Variants in MECR observed in about 807,000 individuals in gnomAD.
MECR encodes mitochondrial trans-2-enoyl-CoA reductase, also known as enoyl-[acyl-carrier-protein] reductase, mitochondrial.
In MECR, 37 loss-of-function variants were observed where a neutral mutation model predicts 49.1. That is an observed-to-expected ratio of 0.75 (90% confidence interval 0.58 to 0.99). MECR has a LOEUF of 0.99. MECR is among the 50% of genes least tolerant of loss of function. The pLI is 0.00. For synonymous variants in MECR, 198 were observed against 191.1 expected, an observed-to-expected ratio of 1.04 and a Z score of -0.30; for missense variants, 470 against 479.6, an observed-to-expected ratio of 0.98 and a Z score of 0.19.
chr1:29,217,684 A>G (rs1679828269), intron 1 of MECR, among the ~76,000 whole-genome samples: 1 of 152,198 alleles, frequency 6.6e-6, no homozygotes. Context: ...GGGCACCCCA[A>G]GTAGTTCTTA....
the MECR span, among the ~76,000 whole-genome samples, chr1:29,176,713 C>T: frequency 6.6e-6 from 1 of 152,104 alleles, no homozygotes; most frequent in African/African-American, 2.4e-5. Flanking sequence ...ACCTGCCTCA[C>T]TCGAAGAGTC....
At chr1:29,214,531 T>G (rs113809418) in intron 3 of MECR, among the ~76,000 whole-genome samples, 17,513 of 151,770 alleles carry the variant, frequency 0.12, 1,364 homozygotes, top group East Asian at 0.41. Context: ...CCGGCTAATT[T>G]TTTTATTTTT....
In MECR at chr1:29,203,041, C is replaced by T. The variant is rs2291610; in HGVS notation, c.653+90G>A. On this transcript the variant is annotated intron_variant, in intron 5 of 9. Transcript: ENST00000263702. ...AAGCCAGTTTATGCTTATGCAAGGG[C>T]GCCCTCTGGTGGACAACTGGGCACC... The T allele has an allele frequency of 9.3e-5, 96 of 1,028,562 alleles. No homozygotes were observed. In the East Asian group the frequency reaches 2.4e-3, roughly 26 times the overall value. The allele number at this position is 1,028,562 out of a possible 1,614,324, so 63.7% of individuals were successfully genotyped here.
chr1:29,173,825 A>G, the MECR span, among the ~76,000 whole-genome samples: 1 of 152,074 alleles, frequency 6.6e-6, no homozygotes, highest in Non-Finnish European at 1.5e-5. Flanking sequence ...ATTTCCTCAT[A>G]TATAATTCTA....
At position 29,216,063 on chromosome 1, in the gene MECR, G is replaced by A; in HGVS notation, c.348C>T (p.Gly116=). Residue 116 remains glycine (G), a synonymous_variant, in exon 3 of 10, where the codon GGC becomes GGT. Transcript: ENST00000263702. ...CTGGCTTCAGCCCGGTCACATTGCT[G>A]CCCACCGCTACCACCTGTGCAACAC... ...NEGVAQVVAV[G]SNVTGLKPGD... 4 of 1,614,050 alleles carry A rather than the reference G, an allele frequency of 2.5e-6. No individual in the cohort carries two copies. The highest frequency in any genetic ancestry group is 3.4e-6 in the Non-Finnish European group (4 of 1,179,968).
chr1:29,175,101 G>T, the MECR span, among the ~76,000 whole-genome samples: 1 of 148,850 alleles, frequency 6.7e-6, no homozygotes, highest in Non-Finnish European at 1.5e-5. Context: ...TACATCTTTG[G>T]ATTATTTTGG....
intron 3 of MECR, among the ~76,000 whole-genome samples, chr1:29,213,776 G>A (rs966811303): frequency 2.0e-5 from 3 of 152,232 alleles, no homozygotes; most frequent in African/African-American, 7.2e-5. Flanking sequence ...ACAGTTTACA[G>A]TTTTCTGCTG....
intron 1 of MECR, among the ~76,000 whole-genome samples, chr1:29,219,241 C>T (rs1033267217): frequency 3.9e-5 from 6 of 152,242 alleles, no homozygotes; most frequent in African/African-American, 9.6e-5. Context: ...AAATGGATTT[C>T]GGACTAGCTG....
At chr1:29,169,807 C>T in the MECR span, 1 of 152,106 alleles carries the variant, frequency 6.6e-6, no homozygotes. Flanking sequence ...GTGAGAAAAA[C>T]AGAACAATCA....
chr1:29,206,846 T>A lies in MECR; in HGVS notation c.466A>T (p.Ile156Phe). The A allele has an allele frequency of 6.2e-7, 1 of 1,614,188 alleles. No homozygotes were observed. Among genetic ancestry groups the A allele is most frequent in the Non-Finnish European group, 8.5e-7 (1 of 1,180,036 alleles). Residue 156 changes from isoleucine (I) to phenylalanine (F), a missense_variant, in exon 4 of 10, where the codon ATC becomes TTC. Coordinates refer to ENST00000263702, the MANE Select transcript of MECR (RefSeq NM_016011.5). Reference sequence around the variant, plus strand: ...AGGGTGGCAGCGCTCTGAAGAGGGATGTCACTCGGAACTTGGATCAGTGCT... The same window carrying A: ...AGGGTGGCAGCGCTCTGAAGAGGGAAGTCACTCGGAACTTGGATCAGTGCT... ...EEALIQVPSDIPLQSAATLGV... is the reference protein window; with the variant it reads ...EEALIQVPSDFPLQSAATLGV...
At chr1:29,206,323 T>G (rs1463679977) in intron 4 of MECR, among the ~76,000 whole-genome samples, 1 of 152,250 alleles carries the variant, frequency 6.6e-6, no homozygotes. Context: ...GAAGATTTCA[T>G]GCACTCAACG....
chr1:29,168,533 G>A, the MECR span: 1 of 152,166 alleles, frequency 6.6e-6, no homozygotes, highest in African/African-American at 2.4e-5. Flanking sequence ...CTCTAAGCTG[G>A]GGGTATGTGA....
downstream of MECR, among the ~76,000 whole-genome samples, chr1:29,190,246 G>A (rs1673093432): frequency 2.0e-5 from 3 of 151,956 alleles, no homozygotes; most frequent in Non-Finnish European, 4.4e-5. Flanking sequence ...GCGGTGGCAG[G>A]CGCCTGTAGT....
intron 3 of MECR, among the ~76,000 whole-genome samples, chr1:29,211,004 C>A (rs777772026): frequency 9.9e-5 from 15 of 152,180 alleles, no homozygotes; most frequent in Non-Finnish European, 1.8e-4. Context: ...TGACCCTTAA[C>A]CATCTCCATT....
chr1:29,225,862 C>A (rs1457786610), intron 1 of MECR, among the ~76,000 whole-genome samples: 4 of 152,098 alleles, frequency 2.6e-5, no homozygotes, highest in African/African-American at 9.7e-5. Flanking sequence ...CTCCAAAGTC[C>A]ATCTGGCTTA....
the MECR span, among the ~76,000 whole-genome samples, chr1:29,180,181 C>T: frequency 8.5e-5 from 13 of 152,242 alleles, no homozygotes; most frequent in Admixed American, 8.5e-4. Context: ...TGACTTAGGC[C>T]TGGCTGGCTT....
At chr1:29,211,090 T>A (rs2151883994) in intron 3 of MECR, among the ~76,000 whole-genome samples, 1 of 150,044 alleles carries the variant, frequency 6.7e-6, no homozygotes, top group South Asian at 2.1e-4. Flanking sequence ...AATAAAGGGT[T>A]TTTTTTTTTT....
intron 9 of MECR, among the ~76,000 whole-genome samples, chr1:29,195,513 C>G (rs1373778719): frequency 6.6e-6 from 1 of 152,190 alleles, no homozygotes; most frequent in East Asian, 1.9e-4. Context: ...CCTCAATTTC[C>G]TCCTCTGTCA....
the MECR span, among the ~76,000 whole-genome samples, chr1:29,176,019 G>A: frequency 7.2e-5 from 11 of 152,214 alleles, no homozygotes; most frequent in Non-Finnish European, 4.4e-5. Flanking sequence ...TTGGGAGGCC[G>A]AGGCAGGTGG....
Sources: allele counts gnomAD v4.1 joint callset (sites outside exome capture counted in the v4.1 genomes callset), GRCh38; gene constraint gnomAD v4.1.1; transcripts MANE v1.5; gene names NCBI Gene and HGNC (gene_info 2026-07-23, HGNC 2026-07-21).